CAMK1D: variants seen among roughly 807,000 people sequenced by gnomAD.
The protein encoded by CAMK1D is calcium/calmodulin dependent protein kinase ID.
In CAMK1D, 9 loss-of-function variants were observed where a neutral mutation model predicts 47.7. The observed-to-expected ratio is 0.19, with a 90% CI of 0.11 to 0.33. The LOEUF is 0.33. Among genes scored for constraint, CAMK1D ranks in the 10% least tolerant of loss-of-function variants. The pLI is 1.00. For missense variants in CAMK1D, 291 were observed against 488.7 expected (o/e 0.60, Z 3.81); for synonymous variants, 184 against 184.9 (o/e 0.99, Z 0.04).
chr10:12,746,024 A>G (rs1466756440), intron 3 of CAMK1D, among the ~76,000 whole-genome samples: 2 of 152,168 alleles, frequency 1.3e-5, no homozygotes, highest in Admixed American at 6.5e-5. Flanking sequence ...TCGGTTTTGC[A>G]TCAAAGTGTT....
chr10:12,487,450 A>T (rs1834251139), intron 1 of CAMK1D, among the ~76,000 whole-genome samples: 1 of 152,224 alleles, frequency 6.6e-6, no homozygotes. Flanking sequence ...TTGATGACTT[A>T]TTTCATGGAC....
intron 3 of CAMK1D, among the ~76,000 whole-genome samples, chr10:12,748,599 A>G (rs1188509301): frequency 6.6e-6 from 1 of 152,202 alleles, no homozygotes; most frequent in East Asian, 1.9e-4. Flanking sequence ...AGAGTAACTC[A>G]TCTGTTGAGA....
At chr10:12,689,165 ACTCT>A (rs1832777439) in intron 3 of CAMK1D, among the ~76,000 whole-genome samples, 1 of 151,976 alleles carries the variant, frequency 6.6e-6, no homozygotes, top group Non-Finnish European at 1.5e-5. Flanking sequence ...TGTTGGGGTG[ACTCT>A]CTGTTGTCTC....
At chr10:12,438,167 T>C (rs550002229) in intron 1 of CAMK1D, among the ~76,000 whole-genome samples, 8 of 152,340 alleles carry the variant, frequency 5.3e-5, no homozygotes, top group South Asian at 4.1e-4. Flanking sequence ...AAGCACGTGC[T>C]CTTTTCTGCA....
chr10:12,717,731 G>GAAAAAAAAAAA lies in CAMK1D; in HGVS notation c.300-43211_300-43201dup, dbSNP rs11289567. ...AGAGGCTTTGTCTCTACAAAAAATTGAAAAAAAAAAAAAAAAGCTGGATGT... is the reference window on the plus strand; with the variant it reads ...AGAGGCTTTGTCTCTACAAAAAATTGAAAAAAAAAAAAAAAAAAAAAAAAAAAGCTGGATGT... On this transcript the variant is annotated intron_variant, in intron 3 of 10. Transcript: ENST00000619168. Among the ~76,000 whole-genome samples the GAAAAAAAAAAA allele has an allele frequency of 2.3e-3, 274 of 121,136 alleles. 10 individuals are homozygous for GAAAAAAAAAAA. Among genetic ancestry groups the GAAAAAAAAAAA allele is most frequent in the Middle Eastern group, 0.012 (3 of 254 alleles). 79.5% of individuals were successfully genotyped at this position (121,136 alleles called of 152,430 possible). A position where few individuals can be genotyped will look rare whatever the true frequency, so the allele number is the denominator to read the frequency against.
intron 1 of CAMK1D, among the ~76,000 whole-genome samples, chr10:12,527,096 C>A (rs1835648944): frequency 6.6e-6 from 1 of 151,920 alleles, no homozygotes; most frequent in Admixed American, 6.6e-5. Flanking sequence ...CTTTCTTTGG[C>A]CAGGTAGAAG....
intron 1 of CAMK1D, among the ~76,000 whole-genome samples, chr10:12,543,322 T>G (rs553651003): frequency 6.6e-6 from 1 of 152,334 alleles, no homozygotes; most frequent in South Asian, 2.1e-4. Context: ...GTGCTGGGAT[T>G]ACAGGTGTTA....
chr10:12,403,725 T>G (rs2724792), intron 1 of CAMK1D, among the ~76,000 whole-genome samples: 1 of 152,068 alleles, frequency 6.6e-6, no homozygotes. Context: ...TTAAAATAAT[T>G]TTATTAATAA....
At chr10:12,703,539 C>G (rs1302791904) in intron 3 of CAMK1D, among the ~76,000 whole-genome samples, 1 of 152,190 alleles carries the variant, frequency 6.6e-6, no homozygotes, top group East Asian at 1.9e-4. Flanking sequence ...CAAACAGCAG[C>G]AGCACCTTTC....
intron 1 of CAMK1D, among the ~76,000 whole-genome samples, chr10:12,497,458 G>A (rs199768948): frequency 1.4e-5 from 2 of 144,370 alleles, no homozygotes; most frequent in Admixed American, 7.0e-5. Flanking sequence ...GCCTGGTGAC[G>A]GAGCAAGACT....
At chr10:12,554,933 A>G (rs1481059292) in intron 2 of CAMK1D, among the ~76,000 whole-genome samples, 4 of 152,172 alleles carry the variant, frequency 2.6e-5, no homozygotes, top group African/African-American at 9.7e-5. Flanking sequence ...TGTCATGATT[A>G]AGCCATTGCC....
chr10:12,629,660 T>A (rs1839321014), intron 2 of CAMK1D, among the ~76,000 whole-genome samples: 1 of 152,236 alleles, frequency 6.6e-6, no homozygotes, highest in African/African-American at 2.4e-5. Context: ...CTCCCAGAAG[T>A]GTGCCAAACT....
At chr10:12,605,264 C>A (rs780036684) in intron 2 of CAMK1D, among the ~76,000 whole-genome samples, 1 of 151,802 alleles carries the variant, frequency 6.6e-6, no homozygotes, top group Non-Finnish European at 1.5e-5. Flanking sequence ...AGGTCTGGCT[C>A]CTAGGTCAGG....
chr10:12,563,050 C>G (rs7900333), intron 2 of CAMK1D, among the ~76,000 whole-genome samples: 12,567 of 152,294 alleles, frequency 0.083, 734 homozygotes, highest in African/African-American at 0.16. Flanking sequence ...GGTATTGGCT[C>G]ATGTAATTCT....
chr10:12,666,935 T>C (rs184847960), intron 3 of CAMK1D, 125 bp downstream of exon 3: 1 of 764,012 alleles, frequency 1.3e-6, no homozygotes, highest in Non-Finnish European at 2.2e-6. Flanking sequence ...GGGAGGCCTG[T>C]GGGATACTAG....
At chr10:12,495,890 C>G (rs549018620) in intron 1 of CAMK1D, among the ~76,000 whole-genome samples, 1 of 152,288 alleles carries the variant, frequency 6.6e-6, no homozygotes, top group African/African-American at 2.4e-5. Flanking sequence ...TGCAGTGGCA[C>G]TATCTCAGCT....
chr10:12,410,731 G>C (rs1839628855), intron 1 of CAMK1D, among the ~76,000 whole-genome samples: 1 of 152,148 alleles, frequency 6.6e-6, no homozygotes, highest in Non-Finnish European at 1.5e-5. Context: ...CGTTTAGCAG[G>C]AATGACACAC....
intron 1 of CAMK1D, among the ~76,000 whole-genome samples, chr10:12,523,790 G>C (rs2132201071): frequency 6.6e-6 from 1 of 152,152 alleles, no homozygotes; most frequent in South Asian, 2.1e-4. Context: ...GAGCGGGAGA[G>C]GTATATGATA....
At chr10:12,684,808 A>G (rs1319548266) in intron 3 of CAMK1D, among the ~76,000 whole-genome samples, 1 of 151,576 alleles carries the variant, frequency 6.6e-6, no homozygotes, top group Non-Finnish European at 1.5e-5. Context: ...TCATGGTGCT[A>G]TTTATTTAGT....
Sources: gnomAD v4.1 joint callset for allele counts (sites outside exome capture counted in the v4.1 genomes callset) on GRCh38, gnomAD v4.1.1 for gene constraint, MANE v1.5 for transcripts, NCBI Gene and HGNC (gene_info 2026-07-23, HGNC 2026-07-21) for gene names.